SH3KBP1: variants seen among roughly 807,000 people sequenced by gnomAD.
The protein encoded by SH3KBP1 is SH3 domain-containing kinase-binding protein 1.
Under a neutral mutation model 50.1 loss-of-function variants are expected in SH3KBP1, and 8 were observed. That is an observed-to-expected ratio of 0.16 (90% confidence interval 0.09 to 0.29). SH3KBP1 has a LOEUF of 0.29. Among genes scored for constraint, SH3KBP1 ranks in the 10% least tolerant of loss-of-function variants. The pLI, the probability that SH3KBP1 is intolerant of heterozygous loss-of-function variation, is 1.00. For missense variants in SH3KBP1, 377 were observed against 535.2 expected (o/e 0.70, Z 2.92); for synonymous variants, 227 against 218.6 (o/e 1.04, Z -0.34).
At chrX:19,674,247 G>T (rs1461444209) in intron 6 of SH3KBP1, among the ~76,000 whole-genome samples, 1 of 111,116 alleles carries the variant, frequency 9.0e-6, no homozygotes, top group African/African-American at 3.3e-5. Flanking sequence ...CACCAGATCT[G>T]CTCCACCCCA....
intron 1 of SH3KBP1, among the ~76,000 whole-genome samples, chrX:19,882,485 T>TGG (rs1316649312): frequency 9.0e-6 from 1 of 110,965 alleles, no homozygotes; most frequent in Non-Finnish European, 1.9e-5. Flanking sequence ...TTGCTGGCTT[T>TGG]GGAGAGAGGA....
At chrX:19,703,389 C>A (rs763219499) in intron 4 of SH3KBP1, among the ~76,000 whole-genome samples, 1 of 109,780 alleles carries the variant, frequency 9.1e-6, no homozygotes, top group Non-Finnish European at 1.9e-5. Context: ...GGGTTGGAGG[C>A]GGGTGGGGGG....
chrX:19,576,995 A>G (rs2066220929), intron 12 of SH3KBP1, among the ~76,000 whole-genome samples: 1 of 112,369 alleles, frequency 8.9e-6, no homozygotes, highest in Admixed American at 9.4e-5. Context: ...TTTGGCTCCA[A>G]AACTTTCCAC....
At chrX:19,744,127 G>C (rs186524933) in intron 3 of SH3KBP1, among the ~76,000 whole-genome samples, 1 of 112,271 alleles carries the variant, frequency 8.9e-6, no homozygotes, top group Admixed American at 9.4e-5. Context: ...GACAAAGCTC[G>C]ATGATGGAAA....
chrX:19,663,416 C>T (rs2062512359), intron 6 of SH3KBP1, among the ~76,000 whole-genome samples: 1 of 111,527 alleles, frequency 9.0e-6, no homozygotes. Context: ...TTTTCTATTA[C>T]AATGGAGAAT....
intron 15 of SH3KBP1, among the ~76,000 whole-genome samples, chrX:19,543,888 G>A (rs763115089): frequency 3.6e-5 from 4 of 111,309 alleles, no homozygotes; most frequent in Non-Finnish European, 7.5e-5. Context: ...CACCAACAAG[G>A]GAGCTGGGAG....
intron 12 of SH3KBP1, among the ~76,000 whole-genome samples, chrX:19,576,348 G>A (rs993330090): frequency 9.2e-6 from 1 of 108,763 alleles, no homozygotes; most frequent in African/African-American, 3.4e-5. Flanking sequence ...CCCCCTTTGA[G>A]AATGAAAAAA....
chrX:19,731,424 C>T (rs945618756), intron 3 of SH3KBP1, among the ~76,000 whole-genome samples: 1 of 111,795 alleles, frequency 8.9e-6, no homozygotes, highest in Non-Finnish European at 1.9e-5. Flanking sequence ...TCTAACTTAG[C>T]TCCACCTTCA....
chrX:19,835,154 ATTTG>A (rs1377505215), intron 2 of SH3KBP1, among the ~76,000 whole-genome samples: 3 of 111,135 alleles, frequency 2.7e-5, no homozygotes, highest in African/African-American at 6.5e-5. Flanking sequence ...ACCTTTACTT[ATTTG>A]TTTGTTTATT....
chrX:19,706,786 C>G, intron 4 of SH3KBP1, 95 bp downstream of exon 4: 3 of 644,346 alleles, frequency 4.7e-6, no homozygotes, highest in East Asian at 3.4e-5. Context: ...GGCCAAACAG[C>G]CTGTGAGTCT....
intron 2 of SH3KBP1, among the ~76,000 whole-genome samples, chrX:19,810,523 C>T (rs1375152452): frequency 8.9e-6 from 1 of 111,798 alleles, no homozygotes; most frequent in Non-Finnish European, 1.9e-5. Flanking sequence ...CACACTTCAC[C>T]CTGCCTGAGA....
intron 13 of SH3KBP1, among the ~76,000 whole-genome samples, chrX:19,553,279 GGA>G (rs1196141234): frequency 1.8e-5 from 2 of 111,434 alleles, no homozygotes; most frequent in Non-Finnish European, 3.8e-5. Context: ...ACTCCAGGGA[GGA>G]TTCCATCTTT....
intron 1 of SH3KBP1, among the ~76,000 whole-genome samples, chrX:19,866,682 C>A (rs370609572): frequency 5.2e-5 from 5 of 96,824 alleles, no homozygotes; most frequent in Non-Finnish European, 9.9e-5. Context: ...AGAGCGAGAC[C>A]CTGTCTCTTT....
intron 2 of SH3KBP1, among the ~76,000 whole-genome samples, chrX:19,830,224 G>A (rs1907060957): frequency 9.1e-6 from 1 of 110,030 alleles, no homozygotes; most frequent in Non-Finnish European, 1.9e-5. Context: ...CAGTTGCTCT[G>A]GTTCCAACGA....
chrX:19,756,094 T>G (rs1344199819), intron 2 of SH3KBP1, among the ~76,000 whole-genome samples: 1 of 111,023 alleles, frequency 9.0e-6, no homozygotes. Context: ...CGGCTTGTCC[T>G]GGTACAACAA....
rs1232994329 is a variant in SH3KBP1, at chrX:19,840,602, A to G, written c.5-4320T>C. 4.5e-5 allele frequency among the ~76,000 whole-genome samples: 5 copies of G among 112,058 alleles called. No individual in the cohort carries two copies. The East Asian group carries it at 1.1e-3, about 25-fold the overall frequency. ...ACAAACACAGCCAAAATTATATCACAAGAGCCCAGAAGAAAGTCTATGCCC... is the reference window on the plus strand; with the variant it reads ...ACAAACACAGCCAAAATTATATCACGAGAGCCCAGAAGAAAGTCTATGCCC... On this transcript the variant is annotated intron_variant, in intron 1 of 17. Coordinates refer to ENST00000397821, the MANE Select transcript of SH3KBP1 (RefSeq NM_031892.3).
At chrX:19,784,976 G>A (rs1249043822) in intron 2 of SH3KBP1, among the ~76,000 whole-genome samples, 1 of 110,741 alleles carries the variant, frequency 9.0e-6, no homozygotes, top group East Asian at 2.8e-4. Flanking sequence ...GAATTCATCT[G>A]GTTCAACTTC....
At chrX:19,657,222 T>A (rs764590781) in intron 6 of SH3KBP1, among the ~76,000 whole-genome samples, 6 of 108,478 alleles carry the variant, frequency 5.5e-5, no homozygotes, top group Non-Finnish European at 1.1e-4. Context: ...ACTAAAAAAT[T>A]CCAAAAAATT....
intron 5 of SH3KBP1, among the ~76,000 whole-genome samples, chrX:19,692,562 T>TACACATATATATACAC (rs756132784): frequency 8.3e-5 from 9 of 107,883 alleles, no homozygotes; most frequent in Admixed American, 1.0e-4. Context: ...AACATATATA[T>TACACATATATATACAC]ACACATATAT....
Sources: allele counts gnomAD v4.1 joint callset (sites outside exome capture counted in the v4.1 genomes callset), GRCh38; gene constraint gnomAD v4.1.1; transcripts MANE v1.5; gene names NCBI Gene and HGNC (gene_info 2026-07-23, HGNC 2026-07-21).